The following LPP variants were observed in gnomAD, a reference collection of about 807,000 sequenced individuals.
LPP encodes the protein lipoma-preferred partner.
A neutral mutation model predicts 60.4 loss-of-function variants in LPP; 38 were observed. That is an observed-to-expected ratio of 0.63 (90% CI 0.49 to 0.83). The LOEUF (loss-of-function observed/expected upper bound fraction) is 0.83. Ranked by LOEUF, LPP falls within the 40% of genes least tolerant of loss-of-function variation. The pLI is 0.00. For missense variants in LPP, 902 were observed against 783.6 expected (o/e 1.15, Z -1.80); for synonymous variants, 328 against 290.8 (o/e 1.13, Z -1.30).
chr3:188,827,611 A>G (rs748635150), intron 9 of LPP, among the ~76,000 whole-genome samples: 2 of 152,174 alleles, frequency 1.3e-5, no homozygotes, highest in Non-Finnish European at 2.9e-5. Flanking sequence ...TTTCCACAAC[A>G]GGGAGTGGAA....
intron 2 of LPP, among the ~76,000 whole-genome samples, chr3:188,264,714 T>C (rs1344837047): frequency 6.6e-6 from 1 of 152,166 alleles, no homozygotes; most frequent in Non-Finnish European, 1.5e-5. Context: ...AATCGTTCTT[T>C]CGTCATTGTC....
In LPP at chr3:188,884,627, A is replaced by G; in HGVS notation, c.*10148A>G. Reference sequence around the variant, plus strand: ...TTCCATTCACCAAAAACCTCTCTGGAACTGTCAGGTTCAGAATATCAACCA... The same window carrying G: ...TTCCATTCACCAAAAACCTCTCTGGGACTGTCAGGTTCAGAATATCAACCA... On this transcript the variant is annotated 3_prime_UTR_variant, in exon 12 of 12. Coordinates refer to ENST00000617246, the MANE Select transcript of LPP (RefSeq NM_001375462.1). 1 of 230,500 alleles carries G rather than the reference A, an allele frequency of 4.3e-6. No homozygotes were observed. The allele number at this position is 230,500 out of a possible 1,614,324, so 14.3% of individuals were successfully genotyped here.
intron 9 of LPP, among the ~76,000 whole-genome samples, chr3:188,779,215 G>GA (rs1362404065): frequency 6.6e-6 from 1 of 152,124 alleles, no homozygotes; most frequent in East Asian, 1.9e-4. Flanking sequence ...CTCCCCTTCT[G>GA]AAAAAGTACC....
intron 5 of LPP, among the ~76,000 whole-genome samples, chr3:188,485,305 G>C (rs930246180): frequency 7.9e-5 from 12 of 152,136 alleles, no homozygotes; most frequent in Non-Finnish European, 1.5e-5. Flanking sequence ...ATTAGAAGTG[G>C]TTCTCAGACT....
At chr3:188,649,941 C>T (rs958042083) in intron 7 of LPP, among the ~76,000 whole-genome samples, 2 of 152,122 alleles carry the variant, frequency 1.3e-5, no homozygotes, top group Non-Finnish European at 1.5e-5. Flanking sequence ...AAGCTTCCAC[C>T]TTGTCTTGTT....
intron 11 of LPP, among the ~76,000 whole-genome samples, chr3:188,873,848 A>G (rs144804847): frequency 6.6e-6 from 1 of 152,256 alleles, no homozygotes; most frequent in Non-Finnish European, 1.5e-5. Context: ...AAGTAAATAC[A>G]CCGAACCCAC....
intron 6 of LPP, among the ~76,000 whole-genome samples, chr3:188,603,478 CTAG>C (rs1433823823): frequency 6.6e-6 from 1 of 151,988 alleles, no homozygotes; most frequent in Non-Finnish European, 1.5e-5. Flanking sequence ...CTGCCACCTA[CTAG>C]TGATGTGTCC....
rs375807166 is a variant in LPP, at chr3:188,733,109, C to T, written c.1240+24716C>T. ...TGCCATAGTCAGGCCCACATTTGAACTTTATTATTTCGGGGGTAATTACCT... is the reference window on the plus strand; with the variant it reads ...TGCCATAGTCAGGCCCACATTTGAATTTTATTATTTCGGGGGTAATTACCT... On this transcript the variant is annotated intron_variant, in intron 8 of 11. Coordinates refer to ENST00000617246, the MANE Select transcript of LPP (RefSeq NM_001375462.1). 3.3e-5 allele frequency among the ~76,000 whole-genome samples: 5 copies of T among 152,138 alleles called. No individual in the cohort carries two copies. In the East Asian group the frequency reaches 9.7e-4, roughly 29 times the overall value.
intron 7 of LPP, among the ~76,000 whole-genome samples, chr3:188,663,170 G>C (rs566489545): frequency 6.6e-6 from 1 of 152,298 alleles, no homozygotes; most frequent in Admixed American, 6.5e-5. Context: ...ATCTCTGTGT[G>C]AATGTGAGCC....
chr3:188,207,040 G>A (rs2620503), intron 1 of LPP, among the ~76,000 whole-genome samples: 11,667 of 151,984 alleles, frequency 0.077, 525 homozygotes, highest in South Asian at 0.13. Context: ...TTTGCATCTC[G>A]AAGTAAAGGA....
At chr3:188,792,442 C>G (rs1308546152) in intron 9 of LPP, among the ~76,000 whole-genome samples, 1 of 152,154 alleles carries the variant, frequency 6.6e-6, no homozygotes, top group East Asian at 1.9e-4. Context: ...AAGCAACAAT[C>G]CAAATCCTAC....
intron 2 of LPP, among the ~76,000 whole-genome samples, chr3:188,310,918 T>C (rs1753193579): frequency 6.6e-6 from 1 of 152,180 alleles, no homozygotes; most frequent in Non-Finnish European, 1.5e-5. Context: ...GGCTAAGTGC[T>C]TTATTATAAG....
chr3:188,228,550 A>T (rs926989161), intron 2 of LPP, among the ~76,000 whole-genome samples: 7 of 152,176 alleles, frequency 4.6e-5, no homozygotes, highest in African/African-American at 1.7e-4. Flanking sequence ...TTGGGAGGCC[A>T]TGGCAGGAAG....
rs1458952535 is a variant in LPP, at chr3:188,890,003, A to G, written c.*15524A>G. The G allele has an allele frequency of 4.7e-6, 1 of 213,646 alleles. No homozygotes were observed. Among genetic ancestry groups the G allele is most frequent in the Non-Finnish European group, 9.5e-6 (1 of 105,794 alleles). The allele number at this position is 213,646 out of a possible 1,614,324, so 13.2% of individuals were successfully genotyped here. On this transcript the variant is annotated 3_prime_UTR_variant, in exon 12 of 12. Transcript: ENST00000617246. ...ACAGAGATTTTTTTTTTCCTTGGAA[A>G]CAAATGGACTGGGAAGAAACACAGC...
At chr3:188,870,361 T>A (rs1310931859) in intron 10 of LPP, among the ~76,000 whole-genome samples, 1 of 152,214 alleles carries the variant, frequency 6.6e-6, no homozygotes, top group African/African-American at 2.4e-5. Context: ...ACTGACTCTT[T>A]GCATGTATGG....
At chr3:188,745,475 G>A (rs1379783590) in intron 8 of LPP, among the ~76,000 whole-genome samples, 3 of 152,118 alleles carry the variant, frequency 2.0e-5, no homozygotes, top group African/African-American at 7.2e-5. Context: ...TAGAATGTGA[G>A]TTCCATGAGG....
At chr3:188,257,814 T>C (rs1057340372) in intron 2 of LPP, among the ~76,000 whole-genome samples, 7 of 152,206 alleles carry the variant, frequency 4.6e-5, no homozygotes, top group Non-Finnish European at 8.8e-5. Context: ...AATAAGGAAC[T>C]GGGGCTCAAA....
intron 9 of LPP, among the ~76,000 whole-genome samples, chr3:188,825,247 TTCTCTCTCTC>T (rs61381257): frequency 1.7e-5 from 2 of 118,436 alleles, no homozygotes; most frequent in African/African-American, 3.3e-5. Context: ...CAGCCTTTCT[TTCTCTCTCTC>T]TCTCTCTCTC....
chr3:188,197,632 C>A (rs1729913729), intron 1 of LPP, among the ~76,000 whole-genome samples: 1 of 152,110 alleles, frequency 6.6e-6, no homozygotes, highest in African/African-American at 2.4e-5. Context: ...GCATAAGGGA[C>A]CCTACTTAAG....
Sources: gnomAD v4.1 joint callset for allele counts (sites outside exome capture counted in the v4.1 genomes callset) on GRCh38, gnomAD v4.1.1 for gene constraint, MANE v1.5 for transcripts, NCBI Gene and HGNC (gene_info 2026-07-23, HGNC 2026-07-21) for gene names.